DTNA: variants seen among roughly 807,000 people sequenced by gnomAD.
The protein encoded by DTNA is dystrophin-related protein 3.
DTNA carries 43 observed loss-of-function variants against 100.7 expected under a neutral mutation model. The ratio of observed to expected loss-of-function variants is 0.43; its 90% CI spans 0.33 to 0.55. The LOEUF (loss-of-function observed/expected upper bound fraction) is 0.55, where lower values mean the gene tolerates loss of function less well. Ranked by LOEUF, DTNA falls within the 20% of genes least tolerant of loss-of-function variation. DTNA has a pLI of 0.04. For missense variants in DTNA, 798 were observed against 953.9 expected, an observed-to-expected ratio of 0.84 and a Z score of 2.15; for synonymous variants, 349 against 347.9, an observed-to-expected ratio of 1.00 and a Z score of -0.04.
At chr18:34,655,150 C>T (rs1047335891) in intron 1 of DTNA, among the ~76,000 whole-genome samples, 4 of 152,096 alleles carry the variant, frequency 2.6e-5, no homozygotes, top group African/African-American at 4.8e-5. Context: ...AAAATGTAAA[C>T]CCCCGTTTAA....
intron 1 of DTNA, among the ~76,000 whole-genome samples, chr18:34,589,948 T>G (rs936244807): frequency 7.3e-5 from 9 of 123,318 alleles, no homozygotes; most frequent in African/African-American, 3.4e-4. Context: ...ATCTCTTTTT[T>G]GGGGGCTGGA....
chr18:34,656,619 A>G (rs184031273), intron 1 of DTNA, among the ~76,000 whole-genome samples: 68 of 152,286 alleles, frequency 4.5e-4, no homozygotes, highest in African/African-American at 1.5e-3. Flanking sequence ...ACAAGTTTCA[A>G]TGGTGTGTTT....
intron 2 of DTNA, among the ~76,000 whole-genome samples, chr18:34,760,390 A>G (rs1314310022): frequency 6.6e-6 from 1 of 152,096 alleles, no homozygotes; most frequent in Non-Finnish European, 1.5e-5. Context: ...CTCCATATAC[A>G]ATTTGTCTTT....
chr18:34,603,773 A>G (rs907574335), intron 1 of DTNA, among the ~76,000 whole-genome samples: 1 of 152,194 alleles, frequency 6.6e-6, no homozygotes, highest in Non-Finnish European at 1.5e-5. Context: ...ACATCGTTAA[A>G]TTTATTAGAC....
chr18:34,792,382 A>G (rs1475945235), intron 3 of DTNA, among the ~76,000 whole-genome samples: 1 of 152,184 alleles, frequency 6.6e-6, no homozygotes, highest in African/African-American at 2.4e-5. Flanking sequence ...TCCTATACCA[A>G]AAGTCAGAAA....
intron 1 of DTNA, among the ~76,000 whole-genome samples, chr18:34,596,375 T>G (rs1039336896): frequency 2.6e-5 from 4 of 152,044 alleles, no homozygotes; most frequent in African/African-American, 9.7e-5. Flanking sequence ...CATGCCACCA[T>G]GCTTGGTTAA....
At chr18:34,687,512 G>T (rs1331707116) in intron 1 of DTNA, among the ~76,000 whole-genome samples, 5 of 152,178 alleles carry the variant, frequency 3.3e-5, no homozygotes, top group Admixed American at 3.3e-4. Context: ...GAGACTGTTT[G>T]TTATGATTTC....
At chr18:34,844,889 A>G (rs1047085023) in intron 13 of DTNA, among the ~76,000 whole-genome samples, 2 of 152,148 alleles carry the variant, frequency 1.3e-5, no homozygotes, top group Non-Finnish European at 2.9e-5. Context: ...CTGGAATGCC[A>G]TTTTGAAATC....
chr18:34,505,082 CCAGAA>C (rs2040353241), intron 1 of DTNA, among the ~76,000 whole-genome samples: 1 of 152,202 alleles, frequency 6.6e-6, no homozygotes, highest in Non-Finnish European at 1.5e-5. Context: ...GTTCTGAAGG[CCAGAA>C]CTCAAAAATC....
At chr18:34,545,686 C>T (rs1601692321) in intron 1 of DTNA, among the ~76,000 whole-genome samples, 1 of 152,118 alleles carries the variant, frequency 6.6e-6, no homozygotes, top group East Asian at 1.9e-4. Flanking sequence ...TTCCCACTAC[C>T]TTCAATTCAA....
rs551608991 is a variant in DTNA, at chr18:34,671,261, T to C, written c.-1-84715T>C. Among the ~76,000 whole-genome samples the C allele has an allele frequency of 2.4e-4, 37 of 152,292 alleles. 1 individual carries two copies. In the South Asian group the frequency reaches 6.6e-3, roughly 27 times the overall value. On this transcript the variant is annotated intron_variant, in intron 1 of 19. Transcript: ENST00000283365. ...AGGATATAATCTCCTGGTGTGCCAT[T>C]TGCTAAGACCATTGGAAAAGTGCAG...
At chr18:34,700,286 T>G (rs1292359307) in intron 1 of DTNA, among the ~76,000 whole-genome samples, 1 of 152,200 alleles carries the variant, frequency 6.6e-6, no homozygotes, top group African/African-American at 2.4e-5. Context: ...GCTTGACCAC[T>G]AGAGCTGGTT....
intron 1 of DTNA, among the ~76,000 whole-genome samples, chr18:34,626,710 TA>T (rs2057368032): frequency 1.3e-5 from 2 of 152,334 alleles, no homozygotes; most frequent in Middle Eastern, 3.4e-3. Flanking sequence ...AAGGAGGCCA[TA>T]ATGTGGCTGA....
At chr18:34,507,791 A>G (rs866466545) in intron 1 of DTNA, among the ~76,000 whole-genome samples, 1 of 152,160 alleles carries the variant, frequency 6.6e-6, no homozygotes, top group Non-Finnish European at 1.5e-5. Flanking sequence ...TGATCCCACA[A>G]TCTGTCTTAT....
At chr18:34,760,572 G>C (rs576667994) in intron 2 of DTNA, among the ~76,000 whole-genome samples, 1 of 152,260 alleles carries the variant, frequency 6.6e-6, no homozygotes, top group East Asian at 1.9e-4. Flanking sequence ...AGTCTGAGGA[G>C]GGCTCATTGT....
chr18:34,736,108 G>A (rs936711571), intron 1 of DTNA, among the ~76,000 whole-genome samples: 1 of 152,140 alleles, frequency 6.6e-6, no homozygotes, highest in African/African-American at 2.4e-5. Context: ...TGCCCTCCAC[G>A]TGAAGAGCTC....
chr18:34,879,105 A>G (rs934590794), intron 19 of DTNA, among the ~76,000 whole-genome samples: 6 of 152,216 alleles, frequency 3.9e-5, no homozygotes, highest in African/African-American at 1.4e-4. Flanking sequence ...TATACTCATA[A>G]TTCTTTAAAG....
chr18:34,550,402 T>C (rs2045280429), intron 1 of DTNA, among the ~76,000 whole-genome samples: 1 of 152,142 alleles, frequency 6.6e-6, no homozygotes, highest in Non-Finnish European at 1.5e-5. Context: ...CTGGACCTTC[T>C]TGCTCACCCA....
intron 1 of DTNA, among the ~76,000 whole-genome samples, chr18:34,680,338 A>AT (rs2077930864): frequency 6.6e-6 from 1 of 152,124 alleles, no homozygotes; most frequent in African/African-American, 2.4e-5. Flanking sequence ...TGCCATTGCC[A>AT]TTTTTCAGCA....
Sources: allele counts gnomAD v4.1 joint callset (sites outside exome capture counted in the v4.1 genomes callset), GRCh38; gene constraint gnomAD v4.1.1; transcripts MANE v1.5; gene names NCBI Gene and HGNC (gene_info 2026-07-23, HGNC 2026-07-21).